The following ZBTB4 variants were observed in gnomAD, a reference collection of about 807,000 sequenced individuals.
ZBTB4 encodes the protein zinc finger and BTB domain containing 4, also known as zinc finger and BTB domain-containing protein 4.
ZBTB4 carries 14 observed loss-of-function variants against 59.8 expected under a neutral mutation model. The observed-to-expected ratio is 0.23, with a 90% CI of 0.15 to 0.37. The LOEUF is 0.37. Among genes scored for constraint, ZBTB4 ranks in the 10% least tolerant of loss-of-function variants. ZBTB4 has a pLI of 1.00. For missense variants in ZBTB4, 1,198 were observed against 1,380.8 expected, an observed-to-expected ratio of 0.87 and a Z score of 2.10; for synonymous variants, 587 against 575.2, an observed-to-expected ratio of 1.02 and a Z score of -0.29.
intron 2 of ZBTB4, 33 bp downstream of exon 2, chr17:7,467,224 G>A (rs1374805766): frequency 9.9e-7 from 1 of 1,010,550 alleles, no homozygotes; most frequent in Admixed American, 5.3e-5. Flanking sequence ...GGTCTACTTT[G>A]TCCTCACTGT....
chr17:7,471,587 C>G (rs140786540), intron 1 of ZBTB4, among the ~76,000 whole-genome samples: 9 of 152,156 alleles, frequency 5.9e-5, no homozygotes, highest in African/African-American at 2.2e-4. Flanking sequence ...GCCAACCCAG[C>G]GTTTGGACGC....
chr17:7,481,160 T>TC (rs201339916), upstream of ZBTB4, among the ~76,000 whole-genome samples: 180 of 58,586 alleles, frequency 3.1e-3, no homozygotes, highest in South Asian at 0.017. Context: ...CAAAACTCCG[T>TC]CCCAAAAAAA....
chr17:7,476,583 G>C (rs1359706446), intron 1 of ZBTB4, among the ~76,000 whole-genome samples: 1 of 152,142 alleles, frequency 6.6e-6, no homozygotes, highest in East Asian at 1.9e-4. Context: ...TGCCAGAAAT[G>C]CTCTTTCCCC....
At position 7,465,864 on chromosome 17, in the gene ZBTB4, G is replaced by T; in HGVS notation, c.938C>A (p.Ala313Asp). 1 of 1,614,190 alleles carries T rather than the reference G, an allele frequency of 6.2e-7. No individual in the cohort carries two copies. The highest frequency in any genetic ancestry group is 8.5e-7 in the Non-Finnish European group (1 of 1,180,036). The change falls in exon 3 of 4, where the codon GCC becomes GAC. Residue 313 changes from alanine (A) to aspartate (D), a missense_variant. This residue lies in a region of ZBTB4 where 204 missense variants were observed against 205.5 expected (regional missense o/e 0.99). Transcript: ENST00000380599. ...VGGHVLYVCA[A>D]CERSYVTLSS... is the part of the protein sequence containing the mutation. ...CAGGGTCACGTAGGAACGCTCGCAGGCCGCGCACACATACAGCACGTGGCC... is the reference window on the plus strand; with the variant it reads ...CAGGGTCACGTAGGAACGCTCGCAGTCCGCGCACACATACAGCACGTGGCC...
At chr17:7,471,718 A>G (rs914471600) in intron 1 of ZBTB4, among the ~76,000 whole-genome samples, 7 of 152,220 alleles carry the variant, frequency 4.6e-5, no homozygotes, top group Admixed American at 4.6e-4. Context: ...TTCTTTGTCC[A>G]TACGGTGGGG....
upstream of ZBTB4, chr17:7,483,291 A>C: frequency 1.9e-6 from 1 of 537,070 alleles, no homozygotes; most frequent in Non-Finnish European, 3.3e-6. Flanking sequence ...GCCGTGGGCC[A>C]CGGGGAGGAC....
chr17:7,479,763 C>G (rs111259369), upstream of ZBTB4: 1 of 152,486 alleles, frequency 6.6e-6, no homozygotes, highest in African/African-American at 2.4e-5. Flanking sequence ...GAGCGCCCGA[C>G]GGCCTTCCCC....
chr17:7,463,395 A>G lies in ZBTB4; in HGVS notation c.1587T>C (p.Pro529=). 6.3e-7 allele frequency: 1 copy of G among 1,591,838 alleles called. No individual in the cohort carries two copies. The highest frequency in any genetic ancestry group is 8.6e-7 in the Non-Finnish European group (1 of 1,169,248). Residue 529 remains proline (P), a synonymous_variant, in exon 4 of 4, where the codon CCT becomes CCC. Transcript: ENST00000380599. ...TGGCTGGGCTGGTGGGTGTGGCTGC[A>G]GGCTCAGGGGGAGGAGGTGGGTATT... The part of the protein sequence containing the change: ...KREYPPPPPE[P]AATPTSPATA...
intron 3 of ZBTB4, among the ~76,000 whole-genome samples, chr17:7,464,773 G>A (rs1313273060): frequency 6.6e-6 from 1 of 150,760 alleles, no homozygotes; most frequent in African/African-American, 2.4e-5. Context: ...AGGAGGTAGA[G>A]GTTGCACTGA....
At chr17:7,478,504 A>T (rs1435178705) in intron 1 of ZBTB4, among the ~76,000 whole-genome samples, 1 of 152,092 alleles carries the variant, frequency 6.6e-6, no homozygotes, top group Non-Finnish European at 1.5e-5. Context: ...TGGGACCCAG[A>T]CGTGACGCCT....
At chr17:7,480,392 A>G (rs545211468), upstream of ZBTB4, among the ~76,000 whole-genome samples, 2 of 152,290 alleles carry the variant, frequency 1.3e-5, no homozygotes, top group South Asian at 4.1e-4. Flanking sequence ...AACTAAGGAG[A>G]TGGAGGAGCC....
intron 3 of ZBTB4, 138 bp downstream of exon 3, chr17:7,465,573 C>G: frequency 7.2e-7 from 1 of 1,388,388 alleles, no homozygotes; most frequent in Non-Finnish European, 9.4e-7. Context: ...CTCAGCTAAC[C>G]ACAGTGCTGG....
At chr17:7,480,108 G>C (rs192207421), upstream of ZBTB4, among the ~76,000 whole-genome samples, 2 of 152,090 alleles carry the variant, frequency 1.3e-5, no homozygotes, top group Admixed American at 1.3e-4. Context: ...GGAAAGCTCA[G>C]CAGGCCGCGG....
At position 7,466,592 on chromosome 17, in the gene ZBTB4, A is replaced by T; in HGVS notation, c.210T>A (p.Ala70=). The change falls in exon 3 of 4, where the codon GCT becomes GCA. Residue 70 remains alanine (A), a synonymous_variant. Coordinates refer to ENST00000380599, the MANE Select transcript of ZBTB4 (RefSeq NM_001128833.2). This position sits in a 1 kb window ranked among gnomAD's most constrained non-coding sequence, Gnocchi z 9.1. ...LTSAPLPLPP[A]TGGAAPNPAT... ...CAGGGTTGGGTGCGGCGCCCCCAGT[A>T]GCTGGTGGAAGGGGTAGTGGGGCTG... is the stretch of plus-strand genomic sequence containing the variant. 1 of 1,613,374 alleles carries T rather than the reference A, an allele frequency of 6.2e-7. No homozygotes were observed. Among genetic ancestry groups the T allele is most frequent in the Non-Finnish European group, 8.5e-7 (1 of 1,179,618 alleles).
At chr17:7,477,685 G>C (rs895638227) in intron 1 of ZBTB4, among the ~76,000 whole-genome samples, 7 of 152,176 alleles carry the variant, frequency 4.6e-5, no homozygotes, top group African/African-American at 1.7e-4. Context: ...GCAGGAGTGG[G>C]GCCCAGTGTG....
chr17:7,471,802 T>G (rs3899372), intron 1 of ZBTB4, among the ~76,000 whole-genome samples: 1 of 152,212 alleles, frequency 6.6e-6, no homozygotes, highest in South Asian at 2.1e-4. Flanking sequence ...ATTTAGTTTG[T>G]AGAACTCAGT....
At position 7,460,334 on chromosome 17, in the gene ZBTB4, G is replaced by A. The variant is rs2070002954; in HGVS notation, c.*1606C>T. 6.6e-6 allele frequency: 1 copy of A among 152,640 alleles called. No homozygotes were observed. Among genetic ancestry groups the A allele is most frequent in the Admixed American group, 6.5e-5 (1 of 15,288 alleles). 9.5% of individuals were successfully genotyped at this position (152,640 alleles called of 1,614,324 possible). A position where few individuals can be genotyped will look rare whatever the true frequency, so the allele number is the denominator to read the frequency against. ...TATGCTGGGAGGGTATGAGGGGTAG[G>A]AGGATGGTCCTGGCCCTCCCTAAAC... On this transcript the variant is annotated 3_prime_UTR_variant, in exon 4 of 4. Transcript: ENST00000380599.
In ZBTB4 at chr17:7,478,036, C is replaced by T. The variant is rs79243187; in HGVS notation, c.-81+1420G>A. Among the ~76,000 whole-genome samples, 853 of 152,216 alleles carry T rather than the reference C, an allele frequency of 5.6e-3. 6 individuals are homozygous for T. The highest frequency in any genetic ancestry group is 0.019 in the African/African-American group (790 of 41,530). On this transcript the variant is annotated intron_variant, in intron 1 of 3. Transcript: ENST00000380599. The stretch of plus-strand genomic sequence containing the variant: ...CTCATACCAAATCCCCTCCGCAGCC[C>T]CACCGCCACTTAAGCACACAGACGG...
At position 7,466,949 on chromosome 17, in the gene ZBTB4, T is replaced by A. The variant is rs2070136826; in HGVS notation, c.-9-139A>T. 1 of 1,408,312 alleles carries A rather than the reference T, an allele frequency of 7.1e-7. No homozygotes were observed. Among genetic ancestry groups the A allele is most frequent in the African/African-American group, 1.4e-5 (1 of 69,134 alleles). The allele number at this position is 1,408,312 out of a possible 1,614,324, so 87.2% of individuals were successfully genotyped here. The stretch of plus-strand genomic sequence containing the variant: ...GCTGAATCACTTCTGGTCACAGAAG[T>A]CAGGGGTTGGCCCTTAGCCACCCAA... On this transcript the variant is annotated intron_variant, in intron 2 of 3. Coordinates refer to ENST00000380599, the MANE Select transcript of ZBTB4 (RefSeq NM_001128833.2). This position sits in a 1 kb window ranked among gnomAD's most constrained non-coding sequence, Gnocchi z 9.1.
Sources: gnomAD v4.1 joint callset for allele counts (sites outside exome capture counted in the v4.1 genomes callset) on GRCh38, gnomAD v4.1.1 for gene constraint, gnomAD v4.1.1 regional missense constraint, Gnocchi (gnomAD v3.1) non-coding constraint, MANE v1.5 for transcripts, NCBI Gene and HGNC (gene_info 2026-07-23, HGNC 2026-07-21) for gene names.